DTNBP1: variants seen among roughly 807,000 people sequenced by gnomAD.
DTNBP1 encodes the protein dystrobrevin binding protein 1.
A neutral mutation model predicts 42.8 loss-of-function variants in DTNBP1; 35 were observed. The observed-to-expected ratio is 0.82, with a 90% CI of 0.63 to 1.09. The LOEUF is 1.09. Among genes scored for constraint, DTNBP1 ranks in the 50% least tolerant of loss-of-function variants. The pLI is 0.00. For synonymous variants in DTNBP1, 171 were observed against 162.2 expected (o/e 1.05, Z -0.41); for missense variants, 457 against 424.2 (o/e 1.08, Z -0.68).
At chr6:15,581,251 CT>C (rs758290316) in intron 7 of DTNBP1, among the ~76,000 whole-genome samples, 12 of 152,200 alleles carry the variant, frequency 7.9e-5, no homozygotes, top group Non-Finnish European at 1.5e-4. Flanking sequence ...TCCATCTCGG[CT>C]CTCTGCAACC....
intron 7 of DTNBP1, among the ~76,000 whole-genome samples, chr6:15,578,219 G>A (rs1271437068): frequency 6.6e-6 from 1 of 152,240 alleles, no homozygotes; most frequent in East Asian, 1.9e-4. Context: ...AGGAGGGGGT[G>A]TTAGTGCAGG....
intron 5 of DTNBP1, among the ~76,000 whole-genome samples, chr6:15,616,919 A>C (rs992023097): frequency 1.3e-5 from 2 of 152,246 alleles, no homozygotes; most frequent in African/African-American, 4.8e-5. Flanking sequence ...AAATAAATTC[A>C]GTAAAGTTGC....
chr6:15,561,445 T>C (rs571505844), intron 7 of DTNBP1, among the ~76,000 whole-genome samples: 2 of 152,324 alleles, frequency 1.3e-5, no homozygotes, highest in South Asian at 4.1e-4. Context: ...CTTCCAAATA[T>C]CACCTTTGGT....
chr6:15,577,448 G>A (rs1161630962), intron 7 of DTNBP1, among the ~76,000 whole-genome samples: 5 of 152,236 alleles, frequency 3.3e-5, no homozygotes, highest in East Asian at 1.9e-4. Context: ...AGGAAGAAAC[G>A]GTGAGAGGCA....
chr6:15,537,414 G>A (rs1320262872), intron 7 of DTNBP1, among the ~76,000 whole-genome samples: 1 of 151,140 alleles, frequency 6.6e-6, no homozygotes, highest in Non-Finnish European at 1.5e-5. Context: ...GGGCGACAGC[G>A]TGAGACTGCA....
Position 15,629,570 on chromosome 6 carries a change from G to A in DTNBP1, c.223-2095C>T, listed in dbSNP as rs147560295. 1.1e-4 allele frequency among the ~76,000 whole-genome samples: 16 copies of A among 151,178 alleles called. No individual in the cohort carries two copies. In the East Asian group the frequency reaches 3.1e-3, roughly 29 times the overall value. On this transcript the variant is annotated intron_variant, in intron 4 of 9. Transcript: ENST00000344537. Reference sequence around the variant, plus strand: ...AAACTATCATTTAAAAGAATGGAAGGGTAAACAGATTCTCAGAAATTATCA... The same window carrying A: ...AAACTATCATTTAAAAGAATGGAAGAGTAAACAGATTCTCAGAAATTATCA...
intron 6 of DTNBP1, among the ~76,000 whole-genome samples, chr6:15,609,526 A>C (rs1758277126): frequency 6.6e-6 from 1 of 152,060 alleles, no homozygotes; most frequent in Non-Finnish European, 1.5e-5. Flanking sequence ...TCACCATGTT[A>C]GCCAGGCTGG....
chr6:15,590,959 C>T lies in DTNBP1; in HGVS notation c.511+2100G>A, dbSNP rs557981601. 1.6e-4 allele frequency among the ~76,000 whole-genome samples: 25 copies of T among 152,286 alleles called. No individual in the cohort carries two copies. The South Asian group carries it at 1.9e-3, about 11-fold the overall frequency. ...AATAAAGCAATTGGAGGAAGTAACA[C>T]CTTTTATTTTCCTGCAACCTGAAAA... On this transcript the variant is annotated intron_variant, in intron 7 of 9. Coordinates refer to ENST00000344537, the MANE Select transcript of DTNBP1 (RefSeq NM_032122.5).
At chr6:15,611,978 T>A (rs145248305) in intron 6 of DTNBP1, among the ~76,000 whole-genome samples, 3 of 152,334 alleles carry the variant, frequency 2.0e-5, no homozygotes, top group Non-Finnish European at 2.9e-5. Context: ...CAGCAATGTT[T>A]GAGAGGATTG....
At chr6:15,628,931 C>T (rs1201403587) in intron 4 of DTNBP1, among the ~76,000 whole-genome samples, 1 of 152,154 alleles carries the variant, frequency 6.6e-6, no homozygotes, top group Non-Finnish European at 1.5e-5. Flanking sequence ...TCTCAGCCCA[C>T]GCTGGAGGGA....
intron 3 of DTNBP1, among the ~76,000 whole-genome samples, chr6:15,646,228 C>G (rs1406233178): frequency 6.6e-6 from 1 of 150,484 alleles, no homozygotes; most frequent in African/African-American, 2.4e-5. Flanking sequence ...ATCTGAGAAC[C>G]AAATCAAGAA....
At chr6:15,615,428 C>T in intron 5 of DTNBP1, 29 bp from the exon 6 acceptor site, 1 of 1,612,488 alleles carries the variant, frequency 6.2e-7, no homozygotes, top group Non-Finnish European at 8.5e-7. Flanking sequence ...AAACAGACCT[C>T]AAAAGTCAGA....
At chr6:15,634,429 G>C (rs1480956092) in intron 4 of DTNBP1, among the ~76,000 whole-genome samples, 1 of 152,094 alleles carries the variant, frequency 6.6e-6, no homozygotes, top group Non-Finnish European at 1.5e-5. Context: ...TGATTCTCCT[G>C]TCTCAGCCTC....
chr6:15,622,651 C>T (rs1025860946), intron 5 of DTNBP1, among the ~76,000 whole-genome samples: 8 of 152,114 alleles, frequency 5.3e-5, no homozygotes, highest in Non-Finnish European at 8.8e-5. Flanking sequence ...ATTTTGCTCG[C>T]TATAACAACC....
intron 7 of DTNBP1, among the ~76,000 whole-genome samples, chr6:15,534,560 T>TGAGGCAGGAGG (rs201788119): frequency 0.016 from 2,408 of 149,752 alleles, 78 homozygotes; most frequent in African/African-American, 0.056. Flanking sequence ...CTCAGGAGAC[T>TGAGGCAGGAGG]GAGGCAGGAG....
At chr6:15,658,175 A>T (rs1027060270) in intron 1 of DTNBP1, among the ~76,000 whole-genome samples, 1 of 152,214 alleles carries the variant, frequency 6.6e-6, no homozygotes, top group African/African-American at 2.4e-5. Flanking sequence ...GGGCTCTCAA[A>T]TCTTTTTTAA....
At chr6:15,605,245 G>A (rs896648788) in intron 6 of DTNBP1, among the ~76,000 whole-genome samples, 1 of 152,156 alleles carries the variant, frequency 6.6e-6, no homozygotes, top group Non-Finnish European at 1.5e-5. Flanking sequence ...ACTTCAATAA[G>A]CACTCTAAGG....
Position 15,627,451 on chromosome 6 carries a change from G to C in DTNBP1, c.247C>G (p.Leu83Val). ...GELVDSEVVMLSAHWEKKKTS... is the reference protein window; with the variant it reads ...GELVDSEVVMVSAHWEKKKTS... ...TTTTTCTTCTCCCAGTGCGCAGAAAGCATGACCACCTCGCTATCCACCAGC... is the reference window on the plus strand; with the variant it reads ...TTTTTCTTCTCCCAGTGCGCAGAAACCATGACCACCTCGCTATCCACCAGC... The change falls in exon 5 of 10, where the codon CTT (leucine) becomes GTT (valine). Residue 83 changes from leucine (L) to valine (V), a missense_variant. Leu to Val is a conservative substitution (Grantham distance 32). Transcript: ENST00000344537. The C allele has an allele frequency of 6.2e-7, 1 of 1,613,938 alleles. No homozygotes were observed. The highest frequency in any genetic ancestry group is 8.5e-7 in the Non-Finnish European group (1 of 1,179,948).
At chr6:15,639,139 CT>C (rs1760197036) in intron 3 of DTNBP1, among the ~76,000 whole-genome samples, 1 of 152,104 alleles carries the variant, frequency 6.6e-6, no homozygotes, top group African/African-American at 2.4e-5. Flanking sequence ...AAAAAGGACA[CT>C]GGTGGAATAA....
Sources: gnomAD v4.1 joint callset for allele counts (sites outside exome capture counted in the v4.1 genomes callset) on GRCh38, gnomAD v4.1.1 for gene constraint, MANE v1.5 for transcripts, NCBI Gene and HGNC (gene_info 2026-07-23, HGNC 2026-07-21) for gene names.